The following ZNF429 variants were observed in gnomAD, a reference collection of about 807,000 sequenced individuals.
ZNF429 encodes the protein zinc finger protein 429.
A neutral mutation model predicts 56.8 loss-of-function variants in ZNF429; 53 were observed. The ratio of observed to expected loss-of-function variants is 0.93; its 90% CI spans 0.75 to 1.17. The LOEUF (loss-of-function observed/expected upper bound fraction) is 1.17. Ranked by LOEUF, ZNF429 falls within the 50% of genes most tolerant of loss-of-function variation. The pLI is 0.00. For missense variants in ZNF429, 849 were observed against 788.4 expected, an observed-to-expected ratio of 1.08 and a Z score of -0.92; for synonymous variants, 278 against 264.7, an observed-to-expected ratio of 1.05 and a Z score of -0.49.
At chr19:21,531,813 G>GAAAAAAAAAAAAAAAAAAAAAAAAA in intron 3 of ZNF429, among the ~76,000 whole-genome samples, 1 of 115,678 alleles carries the variant, frequency 8.6e-6, no homozygotes. Flanking sequence ...CTCAAAAAAA[G>GAAAAAAAAAAAAAAAAAAAAAAAAA]AAAAAAAAAA....
rs1207018252 is a variant in ZNF429, at chr19:21,537,480, C to T, written c.1427C>T (p.Thr476Ile). 6 of 1,613,924 alleles carry T rather than the reference C, an allele frequency of 3.7e-6. No individual in the cohort carries two copies. The highest frequency in any genetic ancestry group is 5.1e-6 in the Non-Finnish European group (6 of 1,180,014). The change falls in exon 4 of 4, where the codon ACT (threonine) becomes ATT (isoleucine). Residue 476 changes from threonine (T) to isoleucine (I), a missense_variant. Coordinates refer to ENST00000358491, the MANE Select transcript of ZNF429 (RefSeq NM_001001415.4). ...CTTACTAGCCATAGGAGAATTCATA[C>T]TGGAGAGAAACCCTACAAATGTGAA... ...SHLTSHRRIH[T>I]GEKPYKCEEC...
intron 3 of ZNF429, among the ~76,000 whole-genome samples, chr19:21,535,525 C>CT: frequency 8.1e-6 from 1 of 123,558 alleles, no homozygotes; most frequent in Admixed American, 9.0e-5. Flanking sequence ...CCTTCTTTTT[C>CT]TTTTTTTGAG....
At chr19:21,516,510 A>G (rs2032751384) in intron 1 of ZNF429, among the ~76,000 whole-genome samples, 2 of 152,060 alleles carry the variant, frequency 1.3e-5, no homozygotes, top group African/African-American at 2.4e-5. Flanking sequence ...AAATGGCATT[A>G]TTTCTGTATA....
intron 1 of ZNF429, among the ~76,000 whole-genome samples, chr19:21,509,079 G>A (rs956072221): frequency 1.6e-4 from 24 of 151,552 alleles, no homozygotes; most frequent in African/African-American, 5.1e-4. Context: ...TGCGATCTTG[G>A]CTCACTGCAA....
intron 1 of ZNF429, among the ~76,000 whole-genome samples, chr19:21,516,388 C>CT (rs1182908189): frequency 6.6e-6 from 1 of 152,062 alleles, no homozygotes; most frequent in South Asian, 2.1e-4. Flanking sequence ...TGCCCAGCCG[C>CT]TTTGTTCTTT....
At chr19:21,517,536 A>G (rs117809668) in intron 1 of ZNF429, among the ~76,000 whole-genome samples, 13,915 of 113,004 alleles carry the variant, frequency 0.12, no homozygotes, top group Middle Eastern at 0.14. Context: ...TACATCTAGT[A>G]GAATTCAGCT....
chr19:21,505,981 G>A, intron 1 of ZNF429: 2 of 483,784 alleles, frequency 4.1e-6, no homozygotes, highest in South Asian at 2.0e-5. Flanking sequence ...TCTTCCCTCC[G>A]CAGTGACTGT....
At chr19:21,532,674 C>T in intron 3 of ZNF429, among the ~76,000 whole-genome samples, 1 of 150,578 alleles carries the variant, frequency 6.6e-6, no homozygotes, top group African/African-American at 2.4e-5. Flanking sequence ...AAGCATAAGA[C>T]AGAAGATGCC....
chr19:21,537,087 A>G lies in ZNF429; in HGVS notation c.1034A>G (p.Glu345Gly). 1 of 1,614,028 alleles carries G rather than the reference A, an allele frequency of 6.2e-7. No individual in the cohort carries two copies. Among genetic ancestry groups the G allele is most frequent in the Non-Finnish European group, 8.5e-7 (1 of 1,179,916 alleles). The change falls in exon 4 of 4, where the codon GAA becomes GGA. Residue 345 changes from glutamate to glycine, a missense_variant. Glu to Gly is a moderately conservative substitution (Grantham distance 98). Transcript: ENST00000358491. Reference protein sequence around the residue: ...HTGEKPYKCEECGKAFNWSST... With the variant: ...HTGEKPYKCEGCGKAFNWSST... ...GGTGAGAAACCCTACAAATGTGAAG[A>G]ATGTGGCAAAGCCTTTAACTGGTCT...
chr19:21,510,975 T>C (rs1369446326), intron 1 of ZNF429, among the ~76,000 whole-genome samples: 2 of 152,044 alleles, frequency 1.3e-5, no homozygotes, highest in Non-Finnish European at 2.9e-5. Context: ...CTCCCATGTC[T>C]ACTTCTTTCT....
At chr19:21,505,812 G>A (rs770084523) in intron 1 of ZNF429, 38 bp downstream of exon 1, 1 of 1,607,908 alleles carries the variant, frequency 6.2e-7, no homozygotes, top group Admixed American at 1.7e-5. Context: ...GAGAGGGGGA[G>A]GGGCTGGTCG....
chr19:21,533,875 G>T, intron 3 of ZNF429, among the ~76,000 whole-genome samples: 1 of 151,810 alleles, frequency 6.6e-6, no homozygotes, highest in African/African-American at 2.4e-5. Context: ...AGGCTGTATT[G>T]ATATCCAGTT....
At position 21,529,697 on chromosome 19, in the gene ZNF429, C is replaced by G. The variant is rs2033301819; in HGVS notation, c.43C>G (p.Leu15Val). 1 of 1,600,178 alleles carries G rather than the reference C, an allele frequency of 6.2e-7. No homozygotes were observed. Among genetic ancestry groups the G allele is most frequent in the Non-Finnish European group, 8.5e-7 (1 of 1,172,342 alleles). Reference sequence around the variant, plus strand: ...TACAGATGTGGCCATAGAATTCTCTCTGGAGGAGTGGCAGTGCCTGGACAC... The same window carrying G: ...TACAGATGTGGCCATAGAATTCTCTGTGGAGGAGTGGCAGTGCCTGGACAC... ...TFTDVAIEFS[L>V]EEWQCLDTAQ... is the part of the protein sequence containing the mutation. The change falls in exon 2 of 4, where the codon CTG becomes GTG. Residue 15 changes from leucine (L) to valine (V), a missense_variant. Transcript: ENST00000358491.
intron 3 of ZNF429, among the ~76,000 whole-genome samples, chr19:21,533,922 GTTGTGTGCTCAT>G: frequency 6.6e-6 from 1 of 151,906 alleles, no homozygotes. Flanking sequence ...TCTTTTCTCT[GTTGTGTGCTCAT>G]GGCACACAAC....
chr19:21,536,260 T>C lies in ZNF429; in HGVS notation c.227-20T>C. 6.5e-7 allele frequency: 1 copy of C among 1,539,658 alleles called. No individual in the cohort carries two copies. The highest frequency in any genetic ancestry group is 8.7e-7 in the Non-Finnish European group (1 of 1,148,570). On this transcript the variant is annotated intron_variant, in intron 3 of 3. Coordinates refer to ENST00000358491, the MANE Select transcript of ZNF429 (RefSeq NM_001001415.4). ...TGAGTCTAGTAAGTGAAGTAATTTG[T>C]TGTTTTAATTTTATTTTAGTTGTGT...
In ZNF429 at chr19:21,537,387, G is replaced by C. The variant is rs117327054; in HGVS notation, c.1334G>C (p.Arg445Thr). ...TCCTCTACACTTACTAGACATAAGA[G>C]AATTCATACTGAAGAGAAACCCTAT... ...TYSSTLTRHKRIHTEEKPYKC... is the reference protein window; with the variant it reads ...TYSSTLTRHKTIHTEEKPYKC... Residue 445 changes from arginine (R) to threonine (T), a missense_variant, in exon 4 of 4, where the codon AGA becomes ACA. By Grantham distance (71) the Arg-to-Thr change is moderately conservative (BLOSUM62 -1). Coordinates refer to ENST00000358491, the MANE Select transcript of ZNF429 (RefSeq NM_001001415.4). 1.6e-3 allele frequency: 2,548 copies of C among 1,607,750 alleles called. 11 individuals carry two copies. Among genetic ancestry groups the C allele is most frequent in the Non-Finnish European group, 1.1e-3 (1,312 of 1,178,042 alleles).
At chr19:21,535,850 G>T in intron 3 of ZNF429, among the ~76,000 whole-genome samples, 1 of 152,120 alleles carries the variant, frequency 6.6e-6, no homozygotes, top group East Asian at 1.9e-4. Context: ...TTTATGTTGT[G>T]GGAAGCTAAA....
chr19:21,538,322 GT>G lies in ZNF429; in HGVS notation c.*245del, dbSNP rs541920897. Among the ~76,000 whole-genome samples, 3 of 144,746 alleles carry G rather than the reference GT, an allele frequency of 2.1e-5. No individual in the cohort carries two copies. The South Asian group carries it at 6.7e-4, about 32-fold the overall frequency. The allele number at this position is 144,746 out of a possible 152,430, so 95.0% of individuals were successfully genotyped here. A position where few individuals can be genotyped will look rare whatever the true frequency, so the allele number is the denominator to read the frequency against. On this transcript the variant is annotated 3_prime_UTR_variant, in exon 4 of 4. Coordinates refer to ENST00000358491, the MANE Select transcript of ZNF429 (RefSeq NM_001001415.4). Reference sequence around the variant, plus strand: ...AAAGAAAAGAAAATTCATAGGCCAGGTATGGTGGCTCATGCCTGCCTGTAAT... The same window carrying G: ...AAAGAAAAGAAAATTCATAGGCCAGGATGGTGGCTCATGCCTGCCTGTAAT...
intron 1 of ZNF429, among the ~76,000 whole-genome samples, chr19:21,507,844 C>T (rs113490782): frequency 0.013 from 1,989 of 152,294 alleles, 20 homozygotes; most frequent in Middle Eastern, 0.086. Flanking sequence ...ACTGTGTTCA[C>T]CCAGCCCGAC....
Sources: allele counts gnomAD v4.1 joint callset (sites outside exome capture counted in the v4.1 genomes callset), GRCh38; gene constraint gnomAD v4.1.1; transcripts MANE v1.5; gene names NCBI Gene and HGNC (gene_info 2026-07-23, HGNC 2026-07-21).